The following SIRT1 variants were observed in gnomAD, a reference collection of about 807,000 sequenced individuals.
SIRT1 encodes sirtuin 1.
SIRT1 carries 24 observed loss-of-function variants against 67.9 expected under a neutral mutation model. That is an observed-to-expected ratio of 0.35 (90% CI 0.26 to 0.50). SIRT1 has a LOEUF of 0.50. Among genes scored for constraint, SIRT1 ranks in the 20% least tolerant of loss-of-function variants. The probability of loss-of-function intolerance (pLI) is 0.98; values close to 1 mark genes in which losing one functional copy is unlikely to be tolerated. For synonymous variants in SIRT1, 378 were observed against 350.7 expected (o/e 1.08, Z -0.87); for missense variants, 873 against 937.2 (o/e 0.93, Z 0.89).
intron 4 of SIRT1, among the ~76,000 whole-genome samples, chr10:67,902,582 G>A (rs1363639211): frequency 6.6e-6 from 1 of 152,136 alleles, no homozygotes; most frequent in African/African-American, 2.4e-5. Context: ...ATTCAAGTGT[G>A]GTTTTGTGGA....
At chr10:67,893,940 C>T (rs559611980) in intron 4 of SIRT1, among the ~76,000 whole-genome samples, 2 of 152,242 alleles carry the variant, frequency 1.3e-5, no homozygotes, top group South Asian at 4.1e-4. Context: ...TTTGCTAATT[C>T]AGAATAAATT....
chr10:67,895,699 T>C (rs372904752), intron 4 of SIRT1, among the ~76,000 whole-genome samples: 117 of 150,274 alleles, frequency 7.8e-4, no homozygotes, highest in Non-Finnish European at 1.2e-3. Flanking sequence ...ATCTATTATA[T>C]CATTGATTGT....
At chr10:67,916,215 T>G in intron 8 of SIRT1, 50 bp from the exon 9 acceptor site, 1 of 1,493,100 alleles carries the variant, frequency 6.7e-7, no homozygotes, top group Non-Finnish European at 9.2e-7. Context: ...CTGCTCAGAC[T>G]GAGTTAGTGT....
At chr10:67,908,738 T>C (rs11594238) in intron 6 of SIRT1, among the ~76,000 whole-genome samples, 94,714 of 151,508 alleles carry the variant, frequency 0.63, 30,409 homozygotes, top group Non-Finnish European at 0.68. Flanking sequence ...CCCGTCTCTC[T>C]TAAAAATACA....
chr10:67,890,826 C>G (rs796716797), intron 3 of SIRT1, among the ~76,000 whole-genome samples: 1 of 151,688 alleles, frequency 6.6e-6, no homozygotes, highest in African/African-American at 2.4e-5. Flanking sequence ...GTTAGGAGAT[C>G]GAGACCATCT....
chr10:67,891,043 A>C lies in SIRT1; in HGVS notation c.790-359A>C, dbSNP rs1446428853. The stretch of plus-strand genomic sequence containing the variant: ...AGACTCTGTCTCAAAAAAAAAAAAA[A>C]CAAAAAAAAAAAGAAAAAATTCTTC... On this transcript the variant is annotated intron_variant, in intron 3 of 8. Coordinates refer to ENST00000212015, the MANE Select transcript of SIRT1 (RefSeq NM_012238.5). Among the ~76,000 whole-genome samples, 619 of 144,464 alleles carry C rather than the reference A, an allele frequency of 4.3e-3. 1 individual carries two copies. The highest frequency in any genetic ancestry group is 0.012 in the African/African-American group (449 of 38,808). 94.8% of individuals were successfully genotyped at this position (144,464 alleles called of 152,430 possible). A position where few individuals can be genotyped will look rare whatever the true frequency, so the allele number is the denominator to read the frequency against.
chr10:67,906,651 C>A, intron 4 of SIRT1, 139 bp from the exon 5 acceptor site: 1 of 838,874 alleles, frequency 1.2e-6, no homozygotes, highest in Non-Finnish European at 1.8e-6. Flanking sequence ...GTGTCGCATC[C>A]ATCTAGATAC....
At chr10:67,897,036 A>C (rs1842669181) in intron 4 of SIRT1, among the ~76,000 whole-genome samples, 1 of 151,780 alleles carries the variant, frequency 6.6e-6, no homozygotes, top group African/African-American at 2.4e-5. Context: ...CACACCTGTA[A>C]TTCCAGCTAC....
rs200485424 is a variant in SIRT1 at position 67,887,396 on chromosome 10, C to G, written c.431-21C>G. ...GTGCATGTTGTTTTGATAGCCTTGACTGACTTGGTTTCTTTTGCAGATAAC... is the reference window on the plus strand; with the variant it reads ...GTGCATGTTGTTTTGATAGCCTTGAGTGACTTGGTTTCTTTTGCAGATAAC... On this transcript the variant is annotated intron_variant, in intron 1 of 8. Coordinates refer to ENST00000212015, the MANE Select transcript of SIRT1 (RefSeq NM_012238.5). 2.3e-5 allele frequency: 35 copies of G among 1,528,542 alleles called. No homozygotes were observed. The African/African-American group carries it at 4.8e-4, about 21-fold the overall frequency. 94.7% of individuals were successfully genotyped at this position (1,528,542 alleles called of 1,614,324 possible). A position where few individuals can be genotyped will look rare whatever the true frequency, so the allele number is the denominator to read the frequency against.
intron 8 of SIRT1, among the ~76,000 whole-genome samples, chr10:67,914,088 T>G (rs1323855181): frequency 2.2e-4 from 14 of 64,428 alleles, no homozygotes; most frequent in South Asian, 1.5e-3. Context: ...TTTTTTTTTT[T>G]TGTGACGGAG....
intron 8 of SIRT1, 119 bp from the exon 9 acceptor site, chr10:67,916,146 A>G: frequency 3.5e-6 from 3 of 859,264 alleles, no homozygotes; most frequent in South Asian, 3.8e-5. Context: ...CACTAATAGT[A>G]GTCTTTCATA....
At chr10:67,907,734 C>T (rs1487467910) in intron 5 of SIRT1, among the ~76,000 whole-genome samples, 3 of 151,848 alleles carry the variant, frequency 2.0e-5, no homozygotes, top group Non-Finnish European at 4.4e-5. Flanking sequence ...GGATTTTAGC[C>T]CTGGAGGAGT....
chr10:67,888,920 A>G lies in SIRT1; in HGVS notation c.586A>G (p.Thr196Ala). 2 of 1,613,894 alleles carry G rather than the reference A, an allele frequency of 1.2e-6. No homozygotes were observed. The highest frequency in any genetic ancestry group is 1.7e-6 in the Non-Finnish European group (2 of 1,179,876). The change falls in exon 3 of 9, where the codon ACA becomes GCA. Residue 196 changes from threonine (T) to alanine (A), a missense_variant. By Grantham distance (58) the Thr-to-Ala change is moderately conservative (BLOSUM62 0). Around this residue, in one of 3 missense-constraint regions of SIRT1, gnomAD observed 327 missense variants for 283.9 expected, o/e 1.15. Transcript: ENST00000212015. The stretch of plus-strand genomic sequence containing the variant: ...TGTTCAGCAACATCTTATGATTGGC[A>G]CAGATCCTCGAACAATTCTTAAAGA... Reference protein sequence around the residue: ...TFVQQHLMIGTDPRTILKDLL... With the variant: ...TFVQQHLMIGADPRTILKDLL...
chr10:67,913,147 A>G, intron 8 of SIRT1, 116 bp downstream of exon 8: 1 of 1,023,330 alleles, frequency 9.8e-7, no homozygotes, highest in Non-Finnish European at 1.4e-6. Context: ...GATTCTGTTT[A>G]GAGAAACTGT....
At chr10:67,906,104 T>TTGATCC in intron 4 of SIRT1, 1 of 1,267,152 alleles carries the variant, frequency 7.9e-7, no homozygotes, top group Non-Finnish European at 1.0e-6. Context: ...AGGACCAAAA[T>TTGATCC]TGATACTTTT....
intron 4 of SIRT1, among the ~76,000 whole-genome samples, chr10:67,898,708 C>T (rs1476950590): frequency 1.3e-5 from 2 of 152,010 alleles, no homozygotes; most frequent in African/African-American, 2.4e-5. Flanking sequence ...CAGTGGCTTG[C>T]GACTGTAGTC....
intron 4 of SIRT1, chr10:67,906,163 A>G: frequency 1.5e-6 from 2 of 1,358,418 alleles, no homozygotes; most frequent in Non-Finnish European, 9.5e-7. Context: ...GTTTTTAAAG[A>G]AGAAACAGCA....
chr10:67,903,332 T>G (rs935089250), intron 4 of SIRT1, among the ~76,000 whole-genome samples: 2 of 152,006 alleles, frequency 1.3e-5, no homozygotes, highest in African/African-American at 4.8e-5. Context: ...TTGCTAGAAA[T>G]TTGGAGAAGA....
chr10:67,888,812 A>T, intron 2 of SIRT1, 70 bp from the exon 3 acceptor site: 1 of 1,516,476 alleles, frequency 6.6e-7, no homozygotes, highest in East Asian at 2.3e-5. Flanking sequence ...CTAACTCATT[A>T]CTTCAGAAAA....
Sources: gnomAD v4.1 joint callset for allele counts (sites outside exome capture counted in the v4.1 genomes callset) on GRCh38, gnomAD v4.1.1 for gene constraint, gnomAD v4.1.1 regional missense constraint, MANE v1.5 for transcripts, NCBI Gene and HGNC (gene_info 2026-07-23, HGNC 2026-07-21) for gene names.